The following SLC26A4 variants were observed in gnomAD, a reference collection of about 807,000 sequenced individuals.
The protein encoded by SLC26A4 is pendrin.
A neutral mutation model predicts 90.4 loss-of-function variants in SLC26A4; 93 were observed. The ratio of observed to expected loss-of-function variants is 1.03; its 90% CI spans 0.87 to 1.22. The LOEUF (loss-of-function observed/expected upper bound fraction) is 1.22. SLC26A4 is among the 50% of genes most tolerant of loss of function. The pLI, the probability that SLC26A4 is intolerant of heterozygous loss-of-function variation, is 0.00. For synonymous variants in SLC26A4, 393 were observed against 354.6 expected, an observed-to-expected ratio of 1.11 and a Z score of -1.22; for missense variants, 1,127 against 946.2, an observed-to-expected ratio of 1.19 and a Z score of -2.51.
intron 6 of SLC26A4, among the ~76,000 whole-genome samples, chr7:107,679,887 A>G (rs901100474): frequency 4.8e-5 from 4 of 82,514 alleles, no homozygotes. Flanking sequence ...ATATAATCTT[A>G]TCTTATATAA....
intron 10 of SLC26A4, among the ~76,000 whole-genome samples, chr7:107,692,573 T>A (rs1361068195): frequency 6.6e-6 from 1 of 152,224 alleles, no homozygotes; most frequent in East Asian, 1.9e-4. Flanking sequence ...GCACCTGGCA[T>A]ATATTTGCTG....
intron 20 of SLC26A4, among the ~76,000 whole-genome samples, chr7:107,714,641 A>G (rs939740254): frequency 3.3e-5 from 5 of 152,142 alleles, no homozygotes; most frequent in African/African-American, 9.7e-5. Context: ...ATAATCATTC[A>G]GGGAGGGTTT....
At position 107,715,551 on chromosome 7, in the gene SLC26A4, G is replaced by C; in HGVS notation, c.*105G>C. The C allele has an allele frequency of 1.1e-6, 1 of 910,812 alleles. No individual in the cohort carries two copies. The allele number at this position is 910,812 out of a possible 1,614,324, so 56.4% of individuals were successfully genotyped here. On this transcript the variant is annotated 3_prime_UTR_variant, in exon 21 of 21. Coordinates refer to ENST00000644269, the MANE Select transcript of SLC26A4 (RefSeq NM_000441.2). ...AAACACTCATTCTTTTTTCTATTAA[G>C]CCATTGAAAGAGAAGCACTAAGACT... is the stretch of plus-strand genomic sequence containing the variant.
chr7:107,672,229 A>C lies in SLC26A4; in HGVS notation c.396A>C (p.Thr132=). ...TCCTGACATACTTTATCTTTGGAAC[A>C]TCAAGACATATCTCAGTTGGTAATT... ...FPILTYFIFG[T]SRHISVGPFP... The change falls in exon 4 of 21, where the codon ACA becomes ACC. Residue 132 remains threonine, a synonymous_variant. Coordinates refer to ENST00000644269, the MANE Select transcript of SLC26A4 (RefSeq NM_000441.2). 1 of 1,586,884 alleles carries C rather than the reference A, an allele frequency of 6.3e-7. No individual in the cohort carries two copies. Among genetic ancestry groups the C allele is most frequent in the Non-Finnish European group, 8.7e-7 (1 of 1,155,356 alleles).
At chr7:107,706,990 A>C (rs935906625) in intron 18 of SLC26A4, among the ~76,000 whole-genome samples, 3 of 152,190 alleles carry the variant, frequency 2.0e-5, no homozygotes, top group Non-Finnish European at 4.4e-5. Flanking sequence ...CAACATGGCA[A>C]AACGCCGTTA....
Position 107,710,198 on chromosome 7 carries a change from C to T in SLC26A4, c.2234C>T (p.Thr745Met), listed in dbSNP as rs781300835. Residue 745 changes from threonine (T) to methionine (M), a missense_variant and splice_region_variant, in exon 19 of 21, where the codon ACG becomes ATG. Physicochemically the swap from Thr to Met is moderately conservative, Grantham distance 81 (BLOSUM62 -1). Coordinates refer to ENST00000644269, the MANE Select transcript of SLC26A4 (RefSeq NM_000441.2). ...SQEGQGSILE[T>M]ITLIQDCKDT... ...GAGGGTCAAGGTTCCATTTTAGAAA[C>T]GGTAAATATTCAACCTTTCTACAGA... is the stretch of plus-strand genomic sequence containing the variant. 4.1e-5 allele frequency: 65 copies of T among 1,589,918 alleles called. No homozygotes were observed. Among genetic ancestry groups the T allele is most frequent in the South Asian group, 9.9e-5 (9 of 90,508 alleles).
At chr7:107,671,288 T>TA (rs1472764116) in intron 3 of SLC26A4, among the ~76,000 whole-genome samples, 1 of 152,096 alleles carries the variant, frequency 6.6e-6, no homozygotes, top group Non-Finnish European at 1.5e-5. Context: ...TCAGCCTCCT[T>TA]AATAACTAGG....
chr7:107,680,105 T>G (rs1482118384), intron 6 of SLC26A4, among the ~76,000 whole-genome samples: 2 of 92,858 alleles, frequency 2.2e-5, no homozygotes, highest in Non-Finnish European at 4.1e-5. Flanking sequence ...AATCTTATCT[T>G]ATTATATAAT....
intron 18 of SLC26A4, among the ~76,000 whole-genome samples, chr7:107,705,895 T>C (rs899751116): frequency 1.3e-5 from 2 of 152,212 alleles, no homozygotes; most frequent in African/African-American, 4.8e-5. Flanking sequence ...GAACTCTCTA[T>C]GTGGCCCACA....
In SLC26A4 at chr7:107,661,200, C is replaced by T; in HGVS notation, c.-4+345C>T. 1 of 212,456 alleles carries T rather than the reference C, an allele frequency of 4.7e-6. No homozygotes were observed. Among genetic ancestry groups the T allele is most frequent in the Non-Finnish European group, 9.5e-6 (1 of 105,228 alleles). The allele number at this position is 212,456 out of a possible 1,614,324, so 13.2% of individuals were successfully genotyped here. The stretch of plus-strand genomic sequence containing the variant: ...CCAGTGCGCACCTGGAGCTGCGTCC[C>T]GGGTCAGGTGCGGGGAGGGAGGGAA... On this transcript the variant is annotated intron_variant, in intron 1 of 20. Transcript: ENST00000644269. The surrounding 1 kb of genome is among the most constrained non-coding windows in gnomAD (Gnocchi z 5.1).
intron 3 of SLC26A4, among the ~76,000 whole-genome samples, chr7:107,665,828 T>A (rs1790694984): frequency 6.6e-6 from 1 of 152,216 alleles, no homozygotes; most frequent in South Asian, 2.1e-4. Flanking sequence ...GTCACGTGGC[T>A]GGTAAGTGGT....
chr7:107,686,294 ACCTTCCCTC>A (rs143524153), intron 8 of SLC26A4, among the ~76,000 whole-genome samples: 59,161 of 106,758 alleles, frequency 0.55, 14,455 homozygotes, highest in East Asian at 0.66. Flanking sequence ...TCCCTTTCCT[ACCTTCCCTC>A]CCTTCCCTCC....
At chr7:107,707,313 T>C (rs1792061070) in intron 18 of SLC26A4, among the ~76,000 whole-genome samples, 1 of 152,236 alleles carries the variant, frequency 6.6e-6, no homozygotes, top group African/African-American at 2.4e-5. Flanking sequence ...TGTAATTAAT[T>C]CTTGCTCTGT....
chr7:107,705,185 T>C (rs1238225227), intron 18 of SLC26A4, among the ~76,000 whole-genome samples: 1 of 152,174 alleles, frequency 6.6e-6, no homozygotes, highest in African/African-American at 2.4e-5. Context: ...GATCAGGCTC[T>C]CACCTAGGTA....
At chr7:107,681,932 TC>T (rs779414718) in intron 6 of SLC26A4, among the ~76,000 whole-genome samples, 16 of 150,738 alleles carry the variant, frequency 1.1e-4, no homozygotes, top group Non-Finnish European at 2.1e-4. Context: ...CCCCACCTCC[TC>T]CCGCCCCAAT....
rs1378597851 is a variant in SLC26A4 at position 107,717,520 on chromosome 7, G to A, written c.*2074G>A. On this transcript the variant is annotated 3_prime_UTR_variant, in exon 21 of 21. Transcript: ENST00000644269. ...AACAAGGCTAGAGTTTGTAAATTCT[G>A]GGTTCATTTGTGATGACATAAGTCA... 1 of 152,594 alleles carries A rather than the reference G, an allele frequency of 6.6e-6. No homozygotes were observed. Among genetic ancestry groups the A allele is most frequent in the African/African-American group, 2.4e-5 (1 of 41,454 alleles). The allele number at this position is 152,594 out of a possible 1,614,324, so 9.5% of individuals were successfully genotyped here.
At chr7:107,672,034 A>G (rs1041413184) in intron 3 of SLC26A4, 104 bp from the exon 4 acceptor site, 2 of 755,674 alleles carry the variant, frequency 2.6e-6, no homozygotes, top group African/African-American at 1.7e-5. Flanking sequence ...TTGCTTTTGC[A>G]TCATCATAAA....
intron 12 of SLC26A4, among the ~76,000 whole-genome samples, chr7:107,695,191 C>T (rs756957922): frequency 1.6e-4 from 24 of 152,108 alleles, no homozygotes; most frequent in Non-Finnish European, 1.5e-4. Flanking sequence ...GAGAAGACTT[C>T]CTACATATTG....
At chr7:107,667,291 T>C (rs1790742039) in intron 3 of SLC26A4, among the ~76,000 whole-genome samples, 1 of 151,536 alleles carries the variant, frequency 6.6e-6, no homozygotes. Context: ...TGGGAATGCC[T>C]GTGATTACCT....
Sources: gnomAD v4.1 joint callset for allele counts (sites outside exome capture counted in the v4.1 genomes callset) on GRCh38, gnomAD v4.1.1 for gene constraint, Gnocchi (gnomAD v3.1) non-coding constraint, MANE v1.5 for transcripts, NCBI Gene and HGNC (gene_info 2026-07-23, HGNC 2026-07-21) for gene names.